Variants in IGHMBP2 observed in about 807,000 individuals in gnomAD.
IGHMBP2 encodes the protein immunoglobulin mu DNA binding protein 2, also known as DNA-binding protein SMUBP-2.
In IGHMBP2, 81 loss-of-function variants were observed where a neutral mutation model predicts 96.0. That is an observed-to-expected ratio of 0.84 (90% CI 0.71 to 1.01). The LOEUF is 1.01. IGHMBP2 is among the 50% of genes least tolerant of loss of function. The pLI is 0.00. For synonymous variants in IGHMBP2, 557 were observed against 548.9 expected (o/e 1.01, Z -0.21); for missense variants, 1,227 against 1,306.3 (o/e 0.94, Z 0.94).
intron 1 of IGHMBP2, 90 bp downstream of exon 1, chr11:68,904,128 G>A: frequency 3.5e-6 from 4 of 1,142,304 alleles, no homozygotes; most frequent in Non-Finnish European, 5.2e-6. Flanking sequence ...ATAGTCTGGG[G>A]CGGGAATTTC....
chr11:68,906,004 T>C (rs1000078980), intron 1 of IGHMBP2, 65 bp from the exon 2 acceptor site: 6 of 1,480,422 alleles, frequency 4.1e-6, no homozygotes, highest in Admixed American at 1.7e-5. Flanking sequence ...TCTTTTACTT[T>C]TCCTGGGTGG....
At chr11:68,915,432 G>A (rs1043460011) in intron 6 of IGHMBP2, among the ~76,000 whole-genome samples, 51 of 150,946 alleles carry the variant, frequency 3.4e-4, no homozygotes, top group African/African-American at 9.5e-4. Context: ...TGCCCGCCTC[G>A]GCCTCTCAAA....
chr11:68,911,574 A>G lies in IGHMBP2; in HGVS notation c.682A>G (p.Ile228Val), dbSNP rs1290261281. Residue 228 changes from isoleucine to valine, a missense_variant, in exon 5 of 15, where the codon ATT (isoleucine) becomes GTT (valine). Ile to Val is a conservative substitution (Grantham distance 29). This residue lies in a region of IGHMBP2 where 507 missense variants were observed against 496.9 expected (regional missense o/e 1.02). Transcript: ENST00000255078. ...TGKTTTVVEI[I>V]LQAVKQGLKV... ...GAAAACCACGACTGTGGTTGAGATC[A>G]TTCTTCAAGCTGTGAAACAAGGCTT... 1 of 1,614,226 alleles carries G rather than the reference A, an allele frequency of 6.2e-7. No individual in the cohort carries two copies. The highest frequency in any genetic ancestry group is 8.5e-7 in the Non-Finnish European group (1 of 1,180,046).
chr11:68,910,637 A>G (rs1333720612), intron 4 of IGHMBP2, among the ~76,000 whole-genome samples: 1 of 152,170 alleles, frequency 6.6e-6, no homozygotes, highest in Non-Finnish European at 1.5e-5. Context: ...TAGTCCCAGC[A>G]CTTTGGGAGG....
At chr11:68,919,154 C>T (rs886130634) in intron 7 of IGHMBP2, among the ~76,000 whole-genome samples, 17 of 152,000 alleles carry the variant, frequency 1.1e-4, no homozygotes, top group African/African-American at 3.6e-4. Flanking sequence ...AGATATCTTT[C>T]TGTTGTTGAT....
chr11:68,938,441 C>G, intron 14 of IGHMBP2, 87 bp downstream of exon 14: 1 of 1,229,286 alleles, frequency 8.1e-7, no homozygotes, highest in Non-Finnish European at 1.1e-6. Context: ...CAGACTTGTT[C>G]CAGTCGGAAC....
At chr11:68,938,016 C>A (rs924225218) in intron 13 of IGHMBP2, 166 bp from the exon 14 acceptor site, 1 of 724,770 alleles carries the variant, frequency 1.4e-6, no homozygotes, top group African/African-American at 1.7e-5. Flanking sequence ...GTTGCCCAGG[C>A]TAGTTTTGAA....
chr11:68,911,739 C>G (rs911966646), intron 5 of IGHMBP2, 136 bp downstream of exon 5: 3 of 836,702 alleles, frequency 3.6e-6, no homozygotes, highest in Non-Finnish European at 5.9e-6. Context: ...ATTGATTGAG[C>G]CTTGGACTGC....
In IGHMBP2 at chr11:68,939,883, AC is replaced by A. The variant is rs2154009338; in HGVS notation, c.*156del. ...CTGTTGGGGAAGGTTGGGTTTTTGG[AC>A]CCCAGGGATAAGCTTTTCCGATGTC... On this transcript the variant is annotated 3_prime_UTR_variant, in exon 15 of 15. Transcript: ENST00000255078. The A allele has an allele frequency of 2.7e-6, 2 of 751,092 alleles. No homozygotes were observed. The highest frequency in any genetic ancestry group is 2.7e-5 in the East Asian group (1 of 36,836). 46.5% of individuals were successfully genotyped at this position (751,092 alleles called of 1,614,324 possible).
At chr11:68,915,446 C>G (rs1427666693) in intron 6 of IGHMBP2, among the ~76,000 whole-genome samples, 1 of 151,306 alleles carries the variant, frequency 6.6e-6, no homozygotes, top group Non-Finnish European at 1.5e-5. Context: ...TCTCAAAGTG[C>G]TGGGATTACA....
chr11:68,938,035 C>T (rs1016987368), intron 13 of IGHMBP2, 147 bp from the exon 14 acceptor site: 16 of 829,604 alleles, frequency 1.9e-5, no homozygotes, highest in African/African-American at 8.3e-5. Context: ...AACTCCTGGC[C>T]GCAAGCAGTC....
At chr11:68,911,927 C>CA (rs527625734) in intron 5 of IGHMBP2, among the ~76,000 whole-genome samples, 350 of 152,356 alleles carry the variant, frequency 2.3e-3, no homozygotes, top group African/African-American at 7.3e-3. Context: ...CCTCCGTGTG[C>CA]ACGCCCGTGC....
At chr11:68,910,881 CAAA>C (rs10599717) in intron 4 of IGHMBP2, among the ~76,000 whole-genome samples, 128 of 120,782 alleles carry the variant, frequency 1.1e-3, no homozygotes, top group African/African-American at 1.9e-3. Flanking sequence ...GACTCCATCT[CAAA>C]AAAAAAAAAA....
Position 68,908,559 on chromosome 11 carries a change from C to T in IGHMBP2, c.475C>T (p.His159Tyr), listed in dbSNP as rs2154006727. Residue 159 changes from histidine to tyrosine, a missense_variant, in exon 4 of 15, where the codon CAT becomes TAT. Physicochemically the swap from His to Tyr is moderately conservative, Grantham distance 83. Transcript: ENST00000255078. ...KKALIALKKY[H>Y]SGPASSLIEV... is the part of the protein sequence containing the mutation. ...AGCCCTGATTGCTCTAAAGAAGTAT[C>T]ATTCTGGCCCAGCCTCCTCACTCAT... 4.3e-6 allele frequency: 7 copies of T among 1,613,788 alleles called. No homozygotes were observed. The highest frequency in any genetic ancestry group is 5.9e-6 in the Non-Finnish European group (7 of 1,179,682).
At chr11:68,920,204 T>C (rs1056851754) in intron 7 of IGHMBP2, among the ~76,000 whole-genome samples, 2 of 152,236 alleles carry the variant, frequency 1.3e-5, no homozygotes, top group African/African-American at 4.8e-5. Flanking sequence ...AATGCCCTCA[T>C]GGTTCATCCA....
Position 68,912,809 on chromosome 11 carries a change from G to A in IGHMBP2, c.711+1206G>A, listed in dbSNP as rs538607396. Among the ~76,000 whole-genome samples, 6 of 151,968 alleles carry A rather than the reference G, an allele frequency of 3.9e-5. No homozygotes were observed. In the East Asian group the frequency reaches 7.7e-4, roughly 20 times the overall value. ...ATTCTCAGTACTTTGGGAGGCTGAG[G>A]CGGGTGGGTCACCTGAGGTCAGGAG... On this transcript the variant is annotated intron_variant, in intron 5 of 14. Coordinates refer to ENST00000255078, the MANE Select transcript of IGHMBP2 (RefSeq NM_002180.3).
chr11:68,925,142 CTTTTTTTTTTTTT>C (rs921409570), intron 7 of IGHMBP2, among the ~76,000 whole-genome samples: 1 of 108,724 alleles, frequency 9.2e-6, no homozygotes, highest in Non-Finnish European at 1.9e-5. Context: ...AGTCCAGGTT[CTTTTTTTTTTTTT>C]TTTTTTTTGA....
At chr11:68,905,096 G>A (rs970025539) in intron 1 of IGHMBP2, among the ~76,000 whole-genome samples, 14 of 152,140 alleles carry the variant, frequency 9.2e-5, no homozygotes, top group Admixed American at 4.6e-4. Context: ...GTGCCCGGCC[G>A]CAGTGTAGGT....
In IGHMBP2 at chr11:68,939,933, G is replaced by T. The variant is rs1162161883; in HGVS notation, c.*202G>T. 3.3e-6 allele frequency: 2 copies of T among 609,734 alleles called. No individual in the cohort carries two copies. The highest frequency in any genetic ancestry group is 5.8e-6 in the Non-Finnish European group (2 of 343,488). The allele number at this position is 609,734 out of a possible 1,614,324, so 37.8% of individuals were successfully genotyped here. A position where few individuals can be genotyped will look rare whatever the true frequency, so the allele number is the denominator to read the frequency against. ...TCACAATGTGGAGGAAAGCACCTGG[G>T]GGACAACAGTGCTCGTGCAGGTGGG... On this transcript the variant is annotated 3_prime_UTR_variant, in exon 15 of 15. Transcript: ENST00000255078.
Sources: allele counts gnomAD v4.1 joint callset (sites outside exome capture counted in the v4.1 genomes callset), GRCh38; gene constraint gnomAD v4.1.1; regional missense constraint gnomAD v4.1.1; transcripts MANE v1.5; gene names NCBI Gene and HGNC (gene_info 2026-07-23, HGNC 2026-07-21).